The following LAMB1 variants were observed in gnomAD, a reference collection of about 807,000 sequenced individuals.
LAMB1 encodes the protein laminin subunit beta 1, also known as laminin subunit beta-1.
In LAMB1, 121 loss-of-function variants were observed where a neutral mutation model predicts 222.3. The observed-to-expected ratio is 0.54, with a 90% CI of 0.47 to 0.63. LAMB1 has a LOEUF of 0.63. LAMB1 is among the 30% of genes least tolerant of loss of function. LAMB1 has a pLI of 0.00. For synonymous variants in LAMB1, 794 were observed against 807.2 expected (o/e 0.98, Z 0.28); for missense variants, 2,172 against 2,240.8 (o/e 0.97, Z 0.62).
intron 30 of LAMB1, 89 bp downstream of exon 30, chr7:107,929,322 CT>C (rs1198155188): frequency 6.7e-7 from 1 of 1,499,494 alleles, no homozygotes; most frequent in African/African-American, 1.4e-5. Flanking sequence ...CGCATAGGTC[CT>C]TCTTAGAAGT....
chr7:107,929,914 T>G, intron 29 of LAMB1: 1 of 407,650 alleles, frequency 2.5e-6, no homozygotes, highest in Non-Finnish European at 4.5e-6. Context: ...GATAATAGAA[T>G]TTGAAAGAAG....
At chr7:107,976,831 T>C (rs2033866557) in intron 9 of LAMB1, among the ~76,000 whole-genome samples, 1 of 150,894 alleles carries the variant, frequency 6.6e-6, no homozygotes, top group Non-Finnish European at 1.5e-5. Flanking sequence ...TCCTTTTCTT[T>C]CCTCTCTCTC....
At chr7:108,000,532 A>T (rs974778505) in intron 3 of LAMB1, among the ~76,000 whole-genome samples, 9 of 152,206 alleles carry the variant, frequency 5.9e-5, no homozygotes, top group Non-Finnish European at 1.3e-4. Context: ...AGAGGCCAGA[A>T]ATATCAGCCT....
intron 5 of LAMB1, 34 bp downstream of exon 5, chr7:107,994,851 CAT>C (rs749681221): frequency 4.2e-6 from 5 of 1,187,788 alleles, no homozygotes; most frequent in African/African-American, 3.0e-5. Flanking sequence ...ACAGTGCTCT[CAT>C]GTGTCATTTG....
intron 22 of LAMB1, among the ~76,000 whole-genome samples, chr7:107,952,790 G>T (rs1197714949): frequency 6.6e-6 from 1 of 152,230 alleles, no homozygotes; most frequent in East Asian, 1.9e-4. Context: ...AGGTCCAAAA[G>T]AGAGATGTTA....
Position 107,980,746 on chromosome 7 carries a change from GA to G in LAMB1, c.741del (p.Leu248TrpfsTer60). The G allele has an allele frequency of 6.2e-7, 1 of 1,613,414 alleles. No homozygotes were observed. Among genetic ancestry groups the G allele is most frequent in the South Asian group, 1.1e-5 (1 of 91,070 alleles). On this transcript the variant is annotated frameshift_variant, in exon 8 of 34. Coordinates refer to ENST00000222399, the MANE Select transcript of LAMB1 (RefSeq NM_002291.3). LOFTEE classifies it high-confidence loss of function. Reference sequence around the variant, plus strand: ...TCTCTGATTTCCATCCTGGAATCCAGAAGGTTATCTCCCAAAGTATGCAGTT... The same window carrying G: ...TCTCTGATTTCCATCCTGGAATCCAGAGGTTATCTCCCAAAGTATGCAGTT... ...FVKLHTLGDN[L>X]LDSRMEIREK...
Position 107,960,427 on chromosome 7 carries a change from C to T in LAMB1, c.2314+18G>A, listed in dbSNP as rs1019241954. On this transcript the variant is annotated intron_variant, in intron 18 of 33. Transcript: ENST00000222399. Reference sequence around the variant, plus strand: ...GAGCCAGAAACAGCAGCTGCTGCAGCTGCCCAGCAATACCTACCCAGGCCT... The same window carrying T: ...GAGCCAGAAACAGCAGCTGCTGCAGTTGCCCAGCAATACCTACCCAGGCCT... 5.0e-6 allele frequency: 8 copies of T among 1,599,594 alleles called. No homozygotes were observed. In the East Asian group the frequency reaches 1.3e-4, roughly 27 times the overall value.
At position 107,959,700 on chromosome 7, in the gene LAMB1, C is replaced by T. The variant is rs769483633; in HGVS notation, c.2449G>A (p.Gly817Arg). The change falls in exon 19 of 34, where the codon GGA (glycine) becomes AGA (arginine). Residue 817 changes from glycine (G) to arginine (R), a missense_variant. Gly to Arg is a moderately radical substitution (Grantham distance 125). Coordinates refer to ENST00000222399, the MANE Select transcript of LAMB1 (RefSeq NM_002291.3). ...APGTFGFGPS[G>R]CKPCECHLQG... ...CTTTTGAGGAACCTACGTTTGCATC[C>T]ACTGGGGCCAAAGCCAAAAGTTCCA... is the stretch of plus-strand genomic sequence containing the variant. 9.3e-6 allele frequency: 15 copies of T among 1,614,198 alleles called. No homozygotes were observed. The highest frequency in any genetic ancestry group is 1.3e-5 in the African/African-American group (1 of 75,054).
chr7:107,969,193 C>T (rs1267923097), intron 13 of LAMB1, among the ~76,000 whole-genome samples: 1 of 150,150 alleles, frequency 6.7e-6, no homozygotes, highest in South Asian at 2.1e-4. Context: ...GAGGCTGAGG[C>T]GGGAGAATGG....
At chr7:107,938,905 C>T (rs1442627667) in intron 25 of LAMB1, among the ~76,000 whole-genome samples, 4 of 152,212 alleles carry the variant, frequency 2.6e-5, no homozygotes, top group African/African-American at 9.7e-5. Context: ...GAAGGACCTC[C>T]TTCAAGTCGC....
intron 32 of LAMB1, among the ~76,000 whole-genome samples, 166 bp downstream of exon 32, chr7:107,926,017 T>G (rs972364377): frequency 6.6e-6 from 1 of 152,142 alleles, no homozygotes; most frequent in Non-Finnish European, 1.5e-5. Flanking sequence ...ATTTCCATAT[T>G]CTTTCCCATC....
At chr7:107,929,760 T>A in intron 29 of LAMB1, 141 bp from the exon 30 acceptor site, 1 of 672,142 alleles carries the variant, frequency 1.5e-6, no homozygotes, top group Non-Finnish European at 2.5e-6. Context: ...TAAGAGTTTA[T>A]AATCTATCTG....
intron 24 of LAMB1, among the ~76,000 whole-genome samples, chr7:107,943,230 G>T (rs1406800770): frequency 6.6e-6 from 1 of 152,168 alleles, no homozygotes; most frequent in Non-Finnish European, 1.5e-5. Context: ...GCATATTACA[G>T]ACTCAGAAGA....
At chr7:107,932,398 G>C (rs1047347513) in intron 27 of LAMB1, 21 bp from the exon 28 acceptor site, 1 of 1,612,310 alleles carries the variant, frequency 6.2e-7, no homozygotes, top group African/African-American at 1.3e-5. Flanking sequence ...CCAAGGATCA[G>C]GCACAATACT....
intron 24 of LAMB1, among the ~76,000 whole-genome samples, chr7:107,948,508 CTT>C (rs529669744): frequency 3.9e-5 from 6 of 152,200 alleles, no homozygotes; most frequent in Non-Finnish European, 8.8e-5. Context: ...CTTATGCTCA[CTT>C]GGAGCTTCCA....
rs2033474034 is a variant in LAMB1, at chr7:107,960,479, A to G, written c.2280T>C (p.Phe760=). The G allele has an allele frequency of 6.2e-7, 1 of 1,614,066 alleles. No individual in the cohort carries two copies. The highest frequency in any genetic ancestry group is 1.3e-5 in the African/African-American group (1 of 74,938). Residue 760 remains phenylalanine (F), a synonymous_variant, in exon 18 of 34, where the codon TTT becomes TTC. Transcript: ENST00000222399. ...TCTGGTGTAACAGGGCAGAAATGCT[A>G]AAGATGATGTTTCTGCAAACATCTG... ...PMTDVCRNII[F]SISALLHQTG...
intron 12 of LAMB1, among the ~76,000 whole-genome samples, chr7:107,974,784 C>G (rs2033818099): frequency 6.6e-6 from 1 of 152,186 alleles, no homozygotes; most frequent in Admixed American, 6.5e-5. Context: ...TTTATTGTGG[C>G]TTTCCTTTAC....
chr7:107,939,747 AAT>A (rs1382771037), intron 25 of LAMB1, among the ~76,000 whole-genome samples: 1 of 152,156 alleles, frequency 6.6e-6, no homozygotes, highest in Non-Finnish European at 1.5e-5. Context: ...AGGAGCACTG[AAT>A]ATAATGCTTG....
chr7:107,932,451 T>C, intron 27 of LAMB1, 74 bp from the exon 28 acceptor site: 1 of 1,468,940 alleles, frequency 6.8e-7, no homozygotes, highest in Non-Finnish European at 9.5e-7. Flanking sequence ...GTGCAGGGCC[T>C]GGGTGGCCCC....
Sources: allele counts gnomAD v4.1 joint callset (sites outside exome capture counted in the v4.1 genomes callset), GRCh38; gene constraint gnomAD v4.1.1; transcripts MANE v1.5; gene names NCBI Gene and HGNC (gene_info 2026-07-23, HGNC 2026-07-21).